IGSF11: variants seen among roughly 807,000 people sequenced by gnomAD.
IGSF11 encodes the protein CXADR like 1.
In IGSF11, 22 loss-of-function variants were observed where a neutral mutation model predicts 41.0. That is an observed-to-expected ratio of 0.54 (90% CI 0.38 to 0.77). IGSF11 has a LOEUF of 0.77. Ranked by LOEUF, IGSF11 falls within the 30% of genes least tolerant of loss-of-function variation. The pLI, the probability that IGSF11 is intolerant of heterozygous loss-of-function variation, is 0.00. For synonymous variants in IGSF11, 219 were observed against 201.3 expected, an observed-to-expected ratio of 1.09 and a Z score of -0.74; for missense variants, 444 against 530.8, an observed-to-expected ratio of 0.84 and a Z score of 1.61.
At chr3:119,138,386 C>T (rs1038968375) in intron 1 of IGSF11, among the ~76,000 whole-genome samples, 1 of 152,026 alleles carries the variant, frequency 6.6e-6, no homozygotes, top group Non-Finnish European at 1.5e-5. Flanking sequence ...TACCACTTAG[C>T]CATAAAAAAC....
chr3:119,138,641 T>C (rs113378400), intron 1 of IGSF11, among the ~76,000 whole-genome samples: 12,097 of 152,216 alleles, frequency 0.079, 672 homozygotes, highest in Middle Eastern at 0.15. Context: ...GCTGAGATTG[T>C]TCCACTGCAC....
upstream of IGSF11, among the ~76,000 whole-genome samples, chr3:119,107,388 T>C (rs1289274212): frequency 6.6e-6 from 1 of 152,264 alleles, no homozygotes. Flanking sequence ...ATGTCTTCTT[T>C]TGAGAAGTGT....
At chr3:118,921,321 T>C (rs2110365) in intron 4 of IGSF11, among the ~76,000 whole-genome samples, 121,593 of 152,086 alleles carry the variant, frequency 0.8, 48,707 homozygotes, top group African/African-American at 0.85. Context: ...TAACAAACAT[T>C]GGCGGGAGGG....
At chr3:118,987,007 A>G (rs988998778) in intron 1 of IGSF11, among the ~76,000 whole-genome samples, 5 of 152,178 alleles carry the variant, frequency 3.3e-5, no homozygotes, top group African/African-American at 1.2e-4. Flanking sequence ...GGCACTAATT[A>G]GATTCATTTA....
At chr3:118,919,294 A>G (rs943567629) in intron 4 of IGSF11, among the ~76,000 whole-genome samples, 2 of 140,918 alleles carry the variant, frequency 1.4e-5, no homozygotes, top group African/African-American at 5.7e-5. Context: ...CTGCACAGCA[A>G]AAGAAACTAC....
At chr3:119,025,624 A>G (rs1230899332) in intron 1 of IGSF11, among the ~76,000 whole-genome samples, 1 of 152,228 alleles carries the variant, frequency 6.6e-6, no homozygotes, top group East Asian at 1.9e-4. Context: ...ATGATGAGTC[A>G]TAATTTAAAG....
At chr3:119,031,860 C>T (rs1367506425) in intron 1 of IGSF11, among the ~76,000 whole-genome samples, 1 of 152,166 alleles carries the variant, frequency 6.6e-6, no homozygotes, top group Admixed American at 6.5e-5. Flanking sequence ...TGAAAAGGTT[C>T]ATGACTTTTT....
chr3:118,928,443 G>T, intron 3 of IGSF11, 66 bp downstream of exon 3: 4 of 1,266,562 alleles, frequency 3.2e-6, no homozygotes, highest in Non-Finnish European at 4.6e-6. Flanking sequence ...AAGGGCAGAA[G>T]CAAGTATGCT....
At chr3:118,914,952 A>AC (rs1343658789) in intron 4 of IGSF11, among the ~76,000 whole-genome samples, 1 of 141,998 alleles carries the variant, frequency 7.0e-6, no homozygotes, top group Non-Finnish European at 1.5e-5. Flanking sequence ...CTGACCCCTG[A>AC]CCCCCGAGCA....
At chr3:119,062,499 T>G (rs940417063) in intron 1 of IGSF11, among the ~76,000 whole-genome samples, 2 of 152,192 alleles carry the variant, frequency 1.3e-5, no homozygotes, top group Non-Finnish European at 2.9e-5. Flanking sequence ...TGCTATGATG[T>G]GTTGAGTGAA....
At chr3:119,000,063 C>CTTTTTTTTTTTTT (rs1297321950) in intron 1 of IGSF11, among the ~76,000 whole-genome samples, 1 of 98,750 alleles carries the variant, frequency 1.0e-5, no homozygotes, top group Non-Finnish European at 2.0e-5. Flanking sequence ...ATTCATTATT[C>CTTTTTTTTTTTTT]TTTTTTTTTT....
chr3:119,127,439 G>A (rs2077418868), intron 1 of IGSF11, among the ~76,000 whole-genome samples: 1 of 151,932 alleles, frequency 6.6e-6, no homozygotes, highest in African/African-American at 2.4e-5. Flanking sequence ...GAAACAAGAT[G>A]GAAAACACAC....
chr3:119,069,953 G>T (rs1211965117), intron 1 of IGSF11, among the ~76,000 whole-genome samples: 1 of 152,154 alleles, frequency 6.6e-6, no homozygotes, highest in Non-Finnish European at 1.5e-5. Context: ...AAAAGCAATG[G>T]GTAGGAGGAA....
intron 1 of IGSF11, among the ~76,000 whole-genome samples, chr3:118,930,913 C>T (rs1299604927): frequency 6.6e-6 from 1 of 152,024 alleles, no homozygotes; most frequent in African/African-American, 2.4e-5. Context: ...ACTAGAATAG[C>T]CAAAAGAATA....
intron 1 of IGSF11, among the ~76,000 whole-genome samples, chr3:119,049,522 T>C (rs1941523366): frequency 6.6e-6 from 1 of 152,068 alleles, no homozygotes; most frequent in African/African-American, 2.4e-5. Flanking sequence ...TGGAAGAACA[T>C]TCCATGCTCA....
rs1167298464 is a variant in IGSF11 at position 119,029,457 on chromosome 3, C to G, written c.52+5074G>C. Among the ~76,000 whole-genome samples the G allele has an allele frequency of 2.6e-5, 4 of 152,134 alleles. No individual in the cohort carries two copies. The East Asian group carries it at 5.8e-4, about 22-fold the overall frequency. On this transcript the variant is annotated intron_variant, in intron 1 of 6. Transcript: ENST00000393775. The stretch of plus-strand genomic sequence containing the variant: ...GATTTCTGTGTCTGCCTGGTTGGCT[C>G]CAGGGTTAATTTTTTGTAAATATCA...
chr3:119,125,190 T>G (rs963156648), intron 1 of IGSF11, among the ~76,000 whole-genome samples: 47 of 152,282 alleles, frequency 3.1e-4, no homozygotes, highest in African/African-American at 1.0e-3. Context: ...AATAAAAGAA[T>G]GTTAATGAGC....
At chr3:118,923,470 T>G (rs1942016865) in intron 4 of IGSF11, among the ~76,000 whole-genome samples, 1 of 152,212 alleles carries the variant, frequency 6.6e-6, no homozygotes, top group Non-Finnish European at 1.5e-5. Flanking sequence ...CTAATAGTAT[T>G]AGCTAATCTA....
intron 4 of IGSF11, among the ~76,000 whole-genome samples, chr3:118,907,354 A>T (rs1203379089): frequency 6.6e-6 from 1 of 152,216 alleles, no homozygotes; most frequent in Non-Finnish European, 1.5e-5. Flanking sequence ...GGATGGTGAT[A>T]AAATAATGAA....
Sources: gnomAD v4.1 joint callset for allele counts (sites outside exome capture counted in the v4.1 genomes callset) on GRCh38, gnomAD v4.1.1 for gene constraint, MANE v1.5 for transcripts, NCBI Gene and HGNC (gene_info 2026-07-23, HGNC 2026-07-21) for gene names.